Variants in KCNG2 observed in about 807,000 individuals in gnomAD.
The protein encoded by KCNG2 is potassium voltage-gated channel modifier subfamily G member 2.
Under a neutral mutation model 12.3 loss-of-function variants are expected in KCNG2, and 7 were observed. That is an observed-to-expected ratio of 0.57 (90% CI 0.32 to 1.07). The LOEUF is 1.07. Ranked by LOEUF, KCNG2 falls within the 50% of genes least tolerant of loss-of-function variation. KCNG2 has a pLI of 0.04. For missense variants in KCNG2, 703 were observed against 726.0 expected (o/e 0.97, Z 0.36); for synonymous variants, 414 against 351.4 (o/e 1.18, Z -1.99).
intron 1 of KCNG2, among the ~76,000 whole-genome samples, chr18:79,842,476 C>T (rs368484824): frequency 2.6e-5 from 4 of 152,132 alleles, no homozygotes; most frequent in African/African-American, 9.7e-5. Flanking sequence ...CATGACATCA[C>T]CAAATACACA....
chr18:79,835,689 G>A lies in KCNG2; in HGVS notation c.-114-20690G>A, dbSNP rs764420891. 4.6e-5 allele frequency among the ~76,000 whole-genome samples: 7 copies of A among 152,190 alleles called. No individual in the cohort carries two copies. In the South Asian group the frequency reaches 6.2e-4, roughly 14 times the overall value. On this transcript the variant is annotated intron_variant, in intron 1 of 3. Transcript: ENST00000316249. Reference sequence around the variant, plus strand: ...TCCACGTGAGTTTTCTGAATTGCTCGATGGTGGGAGTAAAGATTGTGAAAA... The same window carrying A: ...TCCACGTGAGTTTTCTGAATTGCTCAATGGTGGGAGTAAAGATTGTGAAAA...
At chr18:79,853,280 G>T (rs1358567740) in intron 1 of KCNG2, among the ~76,000 whole-genome samples, 1 of 152,216 alleles carries the variant, frequency 6.6e-6, no homozygotes, top group Non-Finnish European at 1.5e-5. Context: ...GCAAAGTGAG[G>T]TGGGCCTGGG....
chr18:79,857,306 G>A (rs775330257), intron 2 of KCNG2, among the ~76,000 whole-genome samples: 92 of 149,954 alleles, frequency 6.1e-4, no homozygotes, highest in Non-Finnish European at 1.0e-3. Flanking sequence ...ACGTGGTCCC[G>A]GTGATTATGG....
chr18:79,871,109 C>A (rs1421533986), intron 3 of KCNG2, among the ~76,000 whole-genome samples: 1 of 152,128 alleles, frequency 6.6e-6, no homozygotes, highest in Non-Finnish European at 1.5e-5. Flanking sequence ...TGTGGCCAGG[C>A]AGGAGGAGTC....
chr18:79,829,124 G>A (rs1016181571), intron 1 of KCNG2, among the ~76,000 whole-genome samples: 1 of 139,822 alleles, frequency 7.2e-6, no homozygotes, highest in South Asian at 2.5e-4. Context: ...TCCATGATGT[G>A]TGCATGTGTC....
rs1001428102 is a variant in KCNG2, at chr18:79,858,460, C to T, written c.-41+2008C>T. Among the ~76,000 whole-genome samples, 11 of 152,320 alleles carry T rather than the reference C, an allele frequency of 7.2e-5. No homozygotes were observed. The East Asian group carries it at 1.7e-3, about 24-fold the overall frequency. Reference sequence around the variant, plus strand: ...TATGGAGGCCCATATTTTGCTTCTCCGTTTATCAGTTGATGGAATTTGGGT... The same window carrying T: ...TATGGAGGCCCATATTTTGCTTCTCTGTTTATCAGTTGATGGAATTTGGGT... On this transcript the variant is annotated intron_variant, in intron 2 of 3. Coordinates refer to ENST00000316249, the MANE Select transcript of KCNG2 (RefSeq NM_012283.2).
chr18:79,859,116 C>T (rs938670566), intron 2 of KCNG2, among the ~76,000 whole-genome samples: 2 of 152,040 alleles, frequency 1.3e-5, no homozygotes, highest in African/African-American at 4.8e-5. Context: ...GTGCTTTTGG[C>T]ATTCTGTTTC....
chr18:79,895,218 G>T (rs565380116), intron 3 of KCNG2, among the ~76,000 whole-genome samples: 1 of 152,022 alleles, frequency 6.6e-6, no homozygotes, highest in South Asian at 2.1e-4. Context: ...AGTTGGGTCT[G>T]TGTCTGCTTT....
intron 1 of KCNG2, among the ~76,000 whole-genome samples, chr18:79,834,477 C>T (rs1001061647): frequency 7.2e-5 from 11 of 152,046 alleles, no homozygotes; most frequent in African/African-American, 9.7e-5. Context: ...AGGTCATGGG[C>T]GACAAAGTCC....
chr18:79,866,137 T>TG (rs1295386792), intron 3 of KCNG2, among the ~76,000 whole-genome samples: 4 of 146,430 alleles, frequency 2.7e-5, no homozygotes, highest in Non-Finnish European at 6.0e-5. Context: ...TTCTGAGGTC[T>TG]GGGTGCTGAG....
chr18:79,866,810 G>GTA (rs1979594740), intron 3 of KCNG2, among the ~76,000 whole-genome samples: 1 of 128,164 alleles, frequency 7.8e-6, no homozygotes. Context: ...AGGTCTGTGT[G>GTA]TCTGTGTGCT....
intron 1 of KCNG2, among the ~76,000 whole-genome samples, chr18:79,804,814 A>G (rs1336018708): frequency 2.6e-5 from 4 of 152,198 alleles, no homozygotes; most frequent in East Asian, 1.9e-4. Context: ...CTTTTATCAC[A>G]GAAGACTTGG....
At chr18:79,840,247 T>C (rs1421756675) in intron 1 of KCNG2, among the ~76,000 whole-genome samples, 1 of 152,048 alleles carries the variant, frequency 6.6e-6, no homozygotes, top group Non-Finnish European at 1.5e-5. Flanking sequence ...CAAAAAAAAC[T>C]CTTAGAACTA....
rs1018886867 is a variant in KCNG2 at position 79,846,008 on chromosome 18, G to A, written c.-114-10371G>A. Among the ~76,000 whole-genome samples the A allele has an allele frequency of 8.6e-5, 13 of 151,404 alleles. No homozygotes were observed. In the East Asian group the frequency reaches 2.0e-3, roughly 23 times the overall value. On this transcript the variant is annotated intron_variant, in intron 1 of 3. Transcript: ENST00000316249. ...CGGGAGGCTGAGGCAGGAGAATGGC[G>A]TGAACCCAGGAGGTGGAGCTTGCAG...
chr18:79,854,682 C>T (rs113757497), intron 1 of KCNG2, among the ~76,000 whole-genome samples: 2 of 151,908 alleles, frequency 1.3e-5, no homozygotes, highest in South Asian at 4.2e-4. Flanking sequence ...CCCACCACCA[C>T]GCCCGGCTAA....
At position 79,899,464 on chromosome 18, in the gene KCNG2, G is replaced by A. The variant is rs746775334; in HGVS notation, c.1049G>A (p.Arg350His). 7.5e-6 allele frequency: 12 copies of A among 1,604,548 alleles called. No individual in the cohort carries two copies. Among genetic ancestry groups the A allele is most frequent in the African/African-American group, 2.7e-5 (2 of 74,156 alleles). The change falls in exon 4 of 4, where the codon CGC becomes CAC. Residue 350 changes from arginine (R) to histidine (H), a missense_variant. Coordinates refer to ENST00000316249, the MANE Select transcript of KCNG2 (RefSeq NM_012283.2). ...VHLAERELGA[R>H]RDFSSVPASY... ...CTGGCCGAGCGCGAGCTGGGCGCGC[G>A]CCGCGACTTCTCCAGCGTGCCCGCC...
At chr18:79,870,915 G>A (rs73970126) in intron 3 of KCNG2, among the ~76,000 whole-genome samples, 1 of 152,174 alleles carries the variant, frequency 6.6e-6, no homozygotes, top group Non-Finnish European at 1.5e-5. Context: ...AGAGGTGCAG[G>A]ATGAAAGGGT....
intron 3 of KCNG2, among the ~76,000 whole-genome samples, chr18:79,868,819 A>G (rs1671314830): frequency 1.3e-5 from 2 of 152,208 alleles, no homozygotes; most frequent in African/African-American, 4.8e-5. Flanking sequence ...CTGGCTGACC[A>G]TCCCAGGCCA....
Position 79,899,963 on chromosome 18 carries a change from G to A in KCNG2, c.*147G>A. 1.4e-6 allele frequency: 1 copy of A among 695,580 alleles called. No homozygotes were observed. Among genetic ancestry groups the A allele is most frequent in the African/African-American group, 1.9e-5 (1 of 53,296 alleles). 43.1% of individuals were successfully genotyped at this position (695,580 alleles called of 1,614,324 possible). Reference sequence around the variant, plus strand: ...CGGCCCTCGTGCGTGAGCAGCCCCAGAACTTGGCGGGGCCCTGCCTGACTC... The same window carrying A: ...CGGCCCTCGTGCGTGAGCAGCCCCAAAACTTGGCGGGGCCCTGCCTGACTC... On this transcript the variant is annotated 3_prime_UTR_variant, in exon 4 of 4. Transcript: ENST00000316249.
Sources: allele counts gnomAD v4.1 joint callset (sites outside exome capture counted in the v4.1 genomes callset), GRCh38; gene constraint gnomAD v4.1.1; transcripts MANE v1.5; gene names NCBI Gene and HGNC (gene_info 2026-07-23, HGNC 2026-07-21).